The following CHLSN variants were observed in gnomAD, a reference collection of about 807,000 sequenced individuals.
CHLSN encodes protein cholesin.
At chr7:989,100 T>G in the CHLSN span, 2 of 411,896 alleles carry the variant, frequency 4.9e-6, no homozygotes, top group Non-Finnish European at 8.5e-6. Context: ...CTCCCACCCC[T>G]GAAGCTGCAC....
At chr7:996,377 C>T in the CHLSN span, among the ~76,000 whole-genome samples, 1 of 152,248 alleles carries the variant, frequency 6.6e-6, no homozygotes, top group African/African-American at 2.4e-5. Context: ...CAAGGGGGCA[C>T]TCAGGGCCTG....
chr7:1,013,013 C>T, the CHLSN span, among the ~76,000 whole-genome samples: 20 of 152,216 alleles, frequency 1.3e-4, no homozygotes, highest in Non-Finnish European at 2.8e-4. Flanking sequence ...TCCAGGCAGG[C>T]TGGAGGGCAC....
At chr7:1,052,700 C>T in the CHLSN span, among the ~76,000 whole-genome samples, 1 of 151,958 alleles carries the variant, frequency 6.6e-6, no homozygotes, top group Non-Finnish European at 1.5e-5. The surrounding 1 kb of genome is among the most constrained non-coding windows in gnomAD (Gnocchi z 4.2). Flanking sequence ...CAGTGGCGGG[C>T]CCCGGAAGCT....
the CHLSN span, among the ~76,000 whole-genome samples, chr7:1,104,150 T>G: frequency 6.6e-6 from 1 of 152,140 alleles, no homozygotes; most frequent in Non-Finnish European, 1.5e-5. Flanking sequence ...CTATGCTGAG[T>G]CCTGAACCGT....
At chr7:1,003,699 TGA>T in the CHLSN span, among the ~76,000 whole-genome samples, 1 of 40,856 alleles carries the variant, frequency 2.4e-5, no homozygotes, top group South Asian at 1.4e-3. Flanking sequence ...GTCCTGTGGG[TGA>T]GTGGAGTCCT....
the CHLSN span, among the ~76,000 whole-genome samples, chr7:1,115,342 G>A: frequency 6.6e-6 from 1 of 152,330 alleles, no homozygotes; most frequent in East Asian, 1.9e-4. Flanking sequence ...CCCCACCACA[G>A]ACCCAGCCCC....
At chr7:986,746 C>G in the CHLSN span, 2 of 1,606,018 alleles carry the variant, frequency 1.2e-6, no homozygotes, top group Non-Finnish European at 8.5e-7. Context: ...CCCACGTGTG[C>G]CCGGGGGACC....
the CHLSN span, among the ~76,000 whole-genome samples, chr7:1,136,794 A>G: frequency 6.6e-6 from 1 of 151,884 alleles, no homozygotes; most frequent in East Asian, 1.9e-4. Flanking sequence ...CCTAGTGTTC[A>G]TCCTCTCCAT....
chr7:1,022,955 C>T, the CHLSN span: 3 of 469,908 alleles, frequency 6.4e-6, no homozygotes, highest in Admixed American at 2.2e-5. Context: ...GGGCAGGCGC[C>T]GGCTCTGTCG....
the CHLSN span, chr7:1,057,415 C>T: frequency 4.8e-6 from 3 of 626,668 alleles, no homozygotes; most frequent in African/African-American, 5.4e-5. Context: ...GGAGAAGGCA[C>T]CCCTGTACCT....
At chr7:1,016,680 AGG>A in the CHLSN span, among the ~76,000 whole-genome samples, 6 of 133,576 alleles carry the variant, frequency 4.5e-5, no homozygotes, top group African/African-American at 1.5e-4. Context: ...AGCACACGCC[AGG>A]GCACAGCAGC....
the CHLSN span, chr7:1,000,376 C>T: frequency 4.4e-6 from 5 of 1,123,820 alleles, no homozygotes; most frequent in South Asian, 1.5e-5. Context: ...CCTGCCCCGC[C>T]GTGCACACAC....
At chr7:1,062,215 T>C in the CHLSN span, among the ~76,000 whole-genome samples, 1 of 152,170 alleles carries the variant, frequency 6.6e-6, no homozygotes, top group East Asian at 1.9e-4. Flanking sequence ...ATTCACTTCA[T>C]TAAAGTTCTA....
At chr7:979,348 C>T in the CHLSN span, among the ~76,000 whole-genome samples, 2 of 152,194 alleles carry the variant, frequency 1.3e-5, no homozygotes, top group South Asian at 2.1e-4. Flanking sequence ...GTCAAAGTTT[C>T]GGTGCAAGAG....
At chr7:1,064,540 G>T in the CHLSN span, among the ~76,000 whole-genome samples, 1 of 152,184 alleles carries the variant, frequency 6.6e-6, no homozygotes, top group Admixed American at 6.5e-5. Context: ...CCTGACTCCT[G>T]AGAGGAAGGG....
At chr7:1,138,061 G>C in the CHLSN span, 1 of 149,846 alleles carries the variant, frequency 6.7e-6, no homozygotes, top group Non-Finnish European at 1.5e-5. Flanking sequence ...CCGCCGCCCG[G>C]TCGCGCCGCG....
At chr7:1,127,478 C>T in the CHLSN span, 2 of 1,159,250 alleles carry the variant, frequency 1.7e-6, no homozygotes, top group South Asian at 1.8e-5. Context: ...GGCACTCTCC[C>T]ATTAAAAAAA....
the CHLSN span, among the ~76,000 whole-genome samples, chr7:1,090,626 G>A: frequency 1.3e-5 from 2 of 152,176 alleles, no homozygotes; most frequent in African/African-American, 4.8e-5. Context: ...CACGGGGTGG[G>A]TGACGGGACC....
the CHLSN span, among the ~76,000 whole-genome samples, chr7:1,033,971 A>G: frequency 1.3e-5 from 2 of 152,242 alleles, no homozygotes; most frequent in South Asian, 2.1e-4. Flanking sequence ...CGGGGGCCAC[A>G]GGCAGGAAAA....
Sources: gnomAD v4.1 joint callset for allele counts (sites outside exome capture counted in the v4.1 genomes callset) on GRCh38, gnomAD v4.1.1 for gene constraint, Gnocchi (gnomAD v3.1) non-coding constraint, MANE v1.5 for transcripts, NCBI Gene and HGNC (gene_info 2026-07-23, HGNC 2026-07-21) for gene names.